ADAMTSL1: variants seen among roughly 807,000 people sequenced by gnomAD.
ADAMTSL1 encodes ADAMTS-like protein 1.
A neutral mutation model predicts 201.8 loss-of-function variants in ADAMTSL1; 126 were observed. The observed-to-expected ratio is 0.62, with a 90% confidence interval of 0.54 to 0.72. ADAMTSL1 has a LOEUF of 0.72. ADAMTSL1 is among the 30% of genes least tolerant of loss of function. The pLI, the probability that ADAMTSL1 is intolerant of heterozygous loss-of-function variation, is 0.00. For missense variants in ADAMTSL1, 2,679 were observed against 2,277.8 expected (o/e 1.18, Z -3.59); for synonymous variants, 1,121 against 903.4 (o/e 1.24, Z -4.32).
At chr9:18,359,284 TC>T (rs997528456) in intron 2 of ADAMTSL1, among the ~76,000 whole-genome samples, 34 of 152,276 alleles carry the variant, frequency 2.2e-4, no homozygotes, top group African/African-American at 7.7e-4. Flanking sequence ...CTCCATCTTT[TC>T]CATTCTTCTG....
At chr9:18,194,340 A>G (rs993766644) in intron 2 of ADAMTSL1, among the ~76,000 whole-genome samples, 2 of 152,114 alleles carry the variant, frequency 1.3e-5, no homozygotes, top group African/African-American at 4.8e-5. Context: ...GAGAAAGTTG[A>G]CAGGGGAACA....
intron 2 of ADAMTSL1, among the ~76,000 whole-genome samples, chr9:18,173,498 A>G (rs1380667638): frequency 6.6e-6 from 1 of 152,118 alleles, no homozygotes; most frequent in African/African-American, 2.4e-5. Flanking sequence ...CTTTAAGGGA[A>G]AAATAATTCT....
At chr9:18,417,277 A>G (rs1818718635) in intron 2 of ADAMTSL1, among the ~76,000 whole-genome samples, 1 of 151,730 alleles carries the variant, frequency 6.6e-6, no homozygotes, top group Non-Finnish European at 1.5e-5. Context: ...TTCTGTTAGT[A>G]AAGAAAAAAG....
At position 18,582,623 on chromosome 9, in the gene ADAMTSL1, T is replaced by A. The variant is rs1420814077; in HGVS notation, c.474+8357T>A. On this transcript the variant is annotated intron_variant, in intron 4 of 28. Coordinates refer to ENST00000380548, the MANE Select transcript of ADAMTSL1 (RefSeq NM_001040272.6). ...CAGCACTTTGGGAGGCTGAGGTGGG[T>A]GGATCATGAGGTCAGGAGATTGAGA... Among the ~76,000 whole-genome samples, 3 of 151,670 alleles carry A rather than the reference T, an allele frequency of 2.0e-5. No homozygotes were observed. In the South Asian group the frequency reaches 6.3e-4, roughly 32 times the overall value.
At chr9:18,036,765 A>G (rs1258782591) in intron 1 of ADAMTSL1, among the ~76,000 whole-genome samples, 2 of 152,214 alleles carry the variant, frequency 1.3e-5, no homozygotes, top group African/African-American at 4.8e-5. Flanking sequence ...TTCAGTATAT[A>G]GGCCAAAGTT....
At chr9:18,640,752 A>C (rs1827386526) in intron 7 of ADAMTSL1, among the ~76,000 whole-genome samples, 1 of 151,954 alleles carries the variant, frequency 6.6e-6, no homozygotes, top group South Asian at 2.1e-4. Flanking sequence ...CACCGGTCAG[A>C]CTTCATCCAA....
rs534709886 is a variant in ADAMTSL1, at chr9:17,962,359, AC to A, written c.87+55438del. ...TGAACACTTTCCTGTCAGTTGTTTT[AC>A]ATTTTTTATCTCCGGTTTTGTGCAC... On this transcript the variant is annotated intron_variant, in intron 1 of 29. Coordinates refer to the ADAMTSL1 transcript ENST00000680146. Among the ~76,000 whole-genome samples, 49 of 152,292 alleles carry A rather than the reference AC, an allele frequency of 3.2e-4. No individual in the cohort carries two copies. In the East Asian group the frequency reaches 9.5e-3, roughly 29 times the overall value.
chr9:17,985,483 G>T (rs1818887932), intron 1 of ADAMTSL1, among the ~76,000 whole-genome samples: 1 of 151,992 alleles, frequency 6.6e-6, no homozygotes, highest in South Asian at 2.1e-4. Context: ...ATACTTTATA[G>T]TTCTGAGTAC....
intron 1 of ADAMTSL1, among the ~76,000 whole-genome samples, chr9:18,056,700 A>G (rs1822204761): frequency 6.6e-6 from 1 of 152,180 alleles, no homozygotes; most frequent in African/African-American, 2.4e-5. Context: ...TAAGTGCACA[A>G]AAGTGCCTGA....
chr9:18,042,381 A>T (rs1348443110), intron 1 of ADAMTSL1, among the ~76,000 whole-genome samples: 1 of 152,144 alleles, frequency 6.6e-6, no homozygotes, highest in East Asian at 1.9e-4. Context: ...AGTGTTCATT[A>T]TATGCCAGCA....
chr9:18,327,379 A>G (rs547453081), intron 2 of ADAMTSL1, among the ~76,000 whole-genome samples: 3 of 152,356 alleles, frequency 2.0e-5, no homozygotes, highest in East Asian at 1.9e-4. Flanking sequence ...GTCAGGCCCT[A>G]TGGGCATACT....
chr9:18,060,690 A>G lies in ADAMTSL1; in HGVS notation c.88-103172A>G, dbSNP rs374843795. Among the ~76,000 whole-genome samples the G allele has an allele frequency of 1.6e-3, 240 of 152,288 alleles. 6 individuals carry two copies. The South Asian group carries it at 0.049, about 31-fold the overall frequency. On this transcript the variant is annotated intron_variant, in intron 1 of 29. Transcript: ENST00000680146. The stretch of plus-strand genomic sequence containing the variant: ...CCTACTGATTTTAGTCAGGTTAACT[A>G]CTATTAATAATTCGTCTCACCACTG...
chr9:18,307,984 T>A (rs1397355216), intron 2 of ADAMTSL1, among the ~76,000 whole-genome samples: 3 of 152,094 alleles, frequency 2.0e-5, no homozygotes, highest in African/African-American at 4.8e-5. Flanking sequence ...ACAGAAATCA[T>A]AACAAACAGT....
chr9:18,540,643 C>A (rs1000851224), intron 3 of ADAMTSL1, among the ~76,000 whole-genome samples: 2 of 152,050 alleles, frequency 1.3e-5, no homozygotes, highest in Non-Finnish European at 2.9e-5. Context: ...CATTCTTAGC[C>A]CCTCACTCAG....
chr9:18,225,474 A>G (rs536052907), intron 2 of ADAMTSL1, among the ~76,000 whole-genome samples: 46 of 152,314 alleles, frequency 3.0e-4, no homozygotes, highest in Middle Eastern at 3.4e-3. Flanking sequence ...TGGTGTTTCC[A>G]AAAAGTACAT....
intron 4 of ADAMTSL1, among the ~76,000 whole-genome samples, chr9:18,620,946 T>G (rs1826000042): frequency 6.6e-6 from 1 of 152,202 alleles, no homozygotes; most frequent in Admixed American, 6.5e-5. Flanking sequence ...AATTATGTTT[T>G]TAAACCTTCA....
chr9:18,883,613 TTC>T (rs1338077668), intron 23 of ADAMTSL1, among the ~76,000 whole-genome samples: 2 of 152,174 alleles, frequency 1.3e-5, no homozygotes, highest in African/African-American at 4.8e-5. Context: ...CTATTCCACT[TTC>T]TGTTTCTATG....
At chr9:17,974,114 C>G (rs1199814005) in intron 1 of ADAMTSL1, among the ~76,000 whole-genome samples, 4 of 151,970 alleles carry the variant, frequency 2.6e-5, no homozygotes, top group Non-Finnish European at 4.4e-5. Flanking sequence ...TAAGAGCTAT[C>G]TATGAGAAAC....
In ADAMTSL1 at chr9:18,655,510, G is replaced by C. The variant is rs137940893; in HGVS notation, c.835-2129G>C. On this transcript the variant is annotated intron_variant, in intron 7 of 28. Transcript: ENST00000380548. ...TCAAACTGAAGCTTTCTAGAACAGA[G>C]TTTCTCCAAGTATTATGATGTTATA... Among the ~76,000 whole-genome samples, 130 of 152,200 alleles carry C rather than the reference G, an allele frequency of 8.5e-4. 6 individuals carry two copies. The South Asian group carries it at 0.019, about 22-fold the overall frequency.
Sources: allele counts gnomAD v4.1 joint callset (sites outside exome capture counted in the v4.1 genomes callset), GRCh38; gene constraint gnomAD v4.1.1; transcripts MANE v1.5; gene names NCBI Gene and HGNC (gene_info 2026-07-23, HGNC 2026-07-21).